ROBO1: variants seen among roughly 807,000 people sequenced by gnomAD.
ROBO1 encodes the protein roundabout homolog 1.
ROBO1 carries 149 observed loss-of-function variants against 195.9 expected under a neutral mutation model. The ratio of observed to expected loss-of-function variants is 0.76; its 90% CI spans 0.67 to 0.87. The LOEUF is 0.87. ROBO1 is among the 40% of genes least tolerant of loss of function. The probability of loss-of-function intolerance (pLI) is 0.00; values close to 1 mark genes in which losing one functional copy is unlikely to be tolerated. For missense variants in ROBO1, 1,933 were observed against 2,068.3 expected (o/e 0.93, Z 1.27); for synonymous variants, 816 against 733.2 (o/e 1.11, Z -1.82).
rs762791755 is a variant in ROBO1 at position 78,614,787 on chromosome 3, A to G, written c.4296T>C (p.Phe1432=). The G allele has an allele frequency of 1.2e-6, 2 of 1,611,344 alleles. No homozygotes were observed. The highest frequency in any genetic ancestry group is 1.3e-5 in the African/African-American group (1 of 74,728). The change falls in exon 28 of 31, where the codon TTT becomes TTC. Residue 1432 remains phenylalanine, a synonymous_variant. Coordinates refer to ENST00000464233, the MANE Select transcript of ROBO1 (RefSeq NM_002941.4). The part of the protein sequence containing the change: ...QMQDAAGRRH[F]HASQCPRPTS... ...TGGGCCTAGGGCACTGAGACGCATG[A>G]AAATGTCGACGGCCTAAGGAGAAAA...
intron 4 of ROBO1, among the ~76,000 whole-genome samples, chr3:78,855,796 C>A (rs1222766726): frequency 6.6e-6 from 1 of 151,978 alleles, no homozygotes; most frequent in African/African-American, 2.4e-5. Flanking sequence ...TTTAAAAAAT[C>A]CTAATATGAA....
intron 1 of ROBO1, among the ~76,000 whole-genome samples, chr3:79,711,453 A>C (rs2107229598): frequency 6.6e-6 from 1 of 152,304 alleles, no homozygotes; most frequent in East Asian, 1.9e-4. Context: ...ATTGCATTTA[A>C]TTTTTTGGTT....
chr3:79,690,767 C>A (rs748230399), intron 1 of ROBO1, among the ~76,000 whole-genome samples: 2 of 151,932 alleles, frequency 1.3e-5, no homozygotes, highest in Non-Finnish European at 1.5e-5. Flanking sequence ...TTCACTTATT[C>A]ACTTAATGAA....
chr3:78,645,187 A>C (rs1489163261), intron 21 of ROBO1, among the ~76,000 whole-genome samples: 1 of 152,148 alleles, frequency 6.6e-6, no homozygotes, highest in East Asian at 1.9e-4. Flanking sequence ...CCAAATTTGT[A>C]CAGCATTGGC....
chr3:79,493,948 G>T (rs1939600254), intron 2 of ROBO1, among the ~76,000 whole-genome samples: 1 of 151,976 alleles, frequency 6.6e-6, no homozygotes, highest in Non-Finnish European at 1.5e-5. Context: ...CGTATTCATT[G>T]TATCAAACTA....
intron 4 of ROBO1, among the ~76,000 whole-genome samples, chr3:78,934,384 T>C (rs1196458334): frequency 6.6e-6 from 1 of 151,770 alleles, no homozygotes; most frequent in African/African-American, 2.4e-5. Flanking sequence ...ATACTGAAAA[T>C]AAAAATAAGA....
chr3:79,593,040 T>C (rs1239805998), intron 1 of ROBO1, among the ~76,000 whole-genome samples: 2 of 152,046 alleles, frequency 1.3e-5, no homozygotes, highest in Non-Finnish European at 1.5e-5. Flanking sequence ...TAGTAATTCA[T>C]ATAAATTTAA....
At chr3:79,135,822 A>G (rs1409353299) in intron 2 of ROBO1, among the ~76,000 whole-genome samples, 1 of 152,090 alleles carries the variant, frequency 6.6e-6, no homozygotes, top group Non-Finnish European at 1.5e-5. Flanking sequence ...TTTTTAGTAG[A>G]GAGGGGGTTT....
intron 2 of ROBO1, among the ~76,000 whole-genome samples, chr3:79,253,747 A>G (rs1272825471): frequency 6.6e-6 from 1 of 152,230 alleles, no homozygotes; most frequent in Admixed American, 6.5e-5. Flanking sequence ...GGAGGAAAAG[A>G]GAGAGAGTAG....
At chr3:79,619,116 C>A (rs1198349065) in intron 1 of ROBO1, among the ~76,000 whole-genome samples, 3 of 152,150 alleles carry the variant, frequency 2.0e-5, no homozygotes, top group Admixed American at 2.0e-4. Flanking sequence ...AGACACCTGC[C>A]CTCATCATTC....
chr3:79,640,482 C>T (rs2106660759), intron 1 of ROBO1, among the ~76,000 whole-genome samples: 1 of 152,144 alleles, frequency 6.6e-6, no homozygotes, highest in East Asian at 1.9e-4. Context: ...TGAAAATAGA[C>T]TAATACACTG....
At chr3:78,916,262 A>C (rs1445579057) in intron 4 of ROBO1, among the ~76,000 whole-genome samples, 4 of 139,624 alleles carry the variant, frequency 2.9e-5, no homozygotes, top group East Asian at 4.4e-4. Flanking sequence ...AAAAAAAAAA[A>C]CAACTTTATT....
At chr3:79,105,841 T>C (rs2079768613) in intron 3 of ROBO1, among the ~76,000 whole-genome samples, 1 of 151,768 alleles carries the variant, frequency 6.6e-6, no homozygotes, top group Non-Finnish European at 1.5e-5. Flanking sequence ...GGCTACCAGT[T>C]GGTGTTTATG....
chr3:79,335,877 T>C (rs942059986), intron 2 of ROBO1, among the ~76,000 whole-genome samples: 7 of 152,192 alleles, frequency 4.6e-5, no homozygotes, highest in African/African-American at 1.2e-4. Context: ...ACCAAAATGC[T>C]GATAGTGATA....
chr3:79,330,671 G>GAAAA (rs34923136), intron 2 of ROBO1, among the ~76,000 whole-genome samples: 4 of 77,374 alleles, frequency 5.2e-5, no homozygotes, highest in Non-Finnish European at 7.0e-5. Context: ...GGAACTTAGG[G>GAAAA]AAAAAAAAAA....
At chr3:79,632,719 T>A (rs1195836387) in intron 1 of ROBO1, among the ~76,000 whole-genome samples, 2 of 152,172 alleles carry the variant, frequency 1.3e-5, no homozygotes, top group Admixed American at 6.5e-5. Context: ...TTTGTGACCA[T>A]GTGTTAAGCA....
chr3:79,557,356 G>A (rs1236545977), intron 2 of ROBO1, among the ~76,000 whole-genome samples: 3 of 151,980 alleles, frequency 2.0e-5, no homozygotes, highest in African/African-American at 7.2e-5. Context: ...ACATTAGTTT[G>A]ACTATCATCT....
At chr3:79,049,504 C>A (rs1002441165) in intron 3 of ROBO1, among the ~76,000 whole-genome samples, 1 of 152,112 alleles carries the variant, frequency 6.6e-6, no homozygotes, top group African/African-American at 2.4e-5. Flanking sequence ...ACTTCCCCAA[C>A]CTAGCAAGGC....
At chr3:79,486,674 A>G (rs1939175837) in intron 2 of ROBO1, among the ~76,000 whole-genome samples, 1 of 152,204 alleles carries the variant, frequency 6.6e-6, no homozygotes, top group Non-Finnish European at 1.5e-5. Flanking sequence ...TTCGGGGCAT[A>G]CCTATATTCA....
Sources: allele counts gnomAD v4.1 joint callset (sites outside exome capture counted in the v4.1 genomes callset), GRCh38; gene constraint gnomAD v4.1.1; transcripts MANE v1.5; gene names NCBI Gene and HGNC (gene_info 2026-07-23, HGNC 2026-07-21).